Variants in GRM8 observed in about 807,000 individuals in gnomAD.
GRM8 encodes metabotropic glutamate receptor 8.
Under a neutral mutation model 87.2 loss-of-function variants are expected in GRM8, and 47 were observed. The ratio of observed to expected loss-of-function variants is 0.54; its 90% CI spans 0.43 to 0.69. The LOEUF is 0.69. Ranked by LOEUF, GRM8 falls within the 30% of genes least tolerant of loss-of-function variation. The probability of loss-of-function intolerance (pLI) is 0.00; values close to 1 mark genes in which losing one functional copy is unlikely to be tolerated. For synonymous variants in GRM8, 396 were observed against 404.5 expected, an observed-to-expected ratio of 0.98 and a Z score of 0.25; for missense variants, 1,019 against 1,139.2, an observed-to-expected ratio of 0.89 and a Z score of 1.52.
chr7:126,967,372 T>A (rs142959997), intron 3 of GRM8, among the ~76,000 whole-genome samples: 57 of 152,324 alleles, frequency 3.7e-4, no homozygotes, highest in African/African-American at 1.3e-3. Context: ...CACCACTGGT[T>A]ATTAAGACTT....
chr7:126,770,090 A>C, intron 6 of GRM8, 25 bp from the exon 7 acceptor site: 1 of 1,518,132 alleles, frequency 6.6e-7, no homozygotes, highest in Non-Finnish European at 9.1e-7. Flanking sequence ...AGTAAAAACC[A>C]TCAGTTGATG....
chr7:126,734,766 A>C (rs894116062), intron 7 of GRM8, among the ~76,000 whole-genome samples: 7 of 152,086 alleles, frequency 4.6e-5, no homozygotes, highest in African/African-American at 7.2e-5. Context: ...TTCCCAGTTC[A>C]AAGATTGACC....
chr7:127,043,103 A>AC (rs1818587915), intron 3 of GRM8, among the ~76,000 whole-genome samples: 1 of 152,246 alleles, frequency 6.6e-6, no homozygotes, highest in African/African-American at 2.4e-5. Context: ...ATCATTAAAA[A>AC]GTCAGGAAAC....
At chr7:126,613,156 A>T (rs1359137738) in intron 7 of GRM8, among the ~76,000 whole-genome samples, 1 of 152,200 alleles carries the variant, frequency 6.6e-6, no homozygotes, top group Non-Finnish European at 1.5e-5. Flanking sequence ...ATGTAGAAAG[A>T]GCATCGTTGA....
intron 7 of GRM8, among the ~76,000 whole-genome samples, chr7:126,760,815 A>C (rs1018729074): frequency 7.9e-5 from 12 of 152,314 alleles, no homozygotes; most frequent in African/African-American, 2.9e-4. Context: ...AAATTTAATC[A>C]TAAGGAAATT....
chr7:126,517,500 T>C (rs1738687909), intron 9 of GRM8, among the ~76,000 whole-genome samples: 1 of 152,046 alleles, frequency 6.6e-6, no homozygotes, highest in Admixed American at 6.6e-5. Context: ...GCATCCAGTC[T>C]CTACATCCAT....
At chr7:127,007,347 G>T (rs1450684521) in intron 3 of GRM8, among the ~76,000 whole-genome samples, 1 of 151,682 alleles carries the variant, frequency 6.6e-6, no homozygotes, top group African/African-American at 2.4e-5. Flanking sequence ...CTTAATATGG[G>T]GGGTAAAAAT....
intron 2 of GRM8, among the ~76,000 whole-genome samples, chr7:127,226,374 C>T (rs1312534043): frequency 6.6e-6 from 1 of 152,154 alleles, no homozygotes; most frequent in Non-Finnish European, 1.5e-5. Flanking sequence ...AAAAATATTT[C>T]GATTTTTTCC....
In GRM8 at chr7:126,533,448, G is replaced by T; in HGVS notation, c.1934C>A (p.Thr645Lys). Residue 645 changes from threonine to lysine, a missense_variant, in exon 9 of 11, where the codon ACA (threonine) becomes AAA (lysine). By Grantham distance (78) the Thr-to-Lys change is moderately conservative. Coordinates refer to ENST00000339582, the MANE Select transcript of GRM8 (RefSeq NM_000845.3). ...GACCCGTCGGAAGGAGCATATGATT[G>T]TATCTGGTGCTGCAATCATTAAAAA... ...ITFLMIAAPD[T>K]IICSFRRVFL... The T allele has an allele frequency of 6.2e-7, 1 of 1,613,996 alleles. No individual in the cohort carries two copies. Among genetic ancestry groups the T allele is most frequent in the Non-Finnish European group, 8.5e-7 (1 of 1,179,946 alleles).
chr7:126,708,420 G>C (rs753274341), intron 7 of GRM8, among the ~76,000 whole-genome samples: 5 of 151,952 alleles, frequency 3.3e-5, no homozygotes, highest in Non-Finnish European at 5.9e-5. Flanking sequence ...ATAGATATCT[G>C]CACTGTCATG....
chr7:127,057,581 T>A (rs555907336), intron 3 of GRM8, among the ~76,000 whole-genome samples: 14 of 152,324 alleles, frequency 9.2e-5, no homozygotes, highest in African/African-American at 3.4e-4. Flanking sequence ...TGAAAATCAT[T>A]TCTCCTTTTT....
intron 2 of GRM8, among the ~76,000 whole-genome samples, chr7:127,226,842 G>C (rs1797359224): frequency 6.6e-6 from 1 of 152,208 alleles, no homozygotes; most frequent in Non-Finnish European, 1.5e-5. Flanking sequence ...CATGACTGTG[G>C]TGCTACAGTG....
chr7:127,143,461 T>C (rs1828386115), intron 2 of GRM8, among the ~76,000 whole-genome samples: 2 of 152,176 alleles, frequency 1.3e-5, no homozygotes, highest in African/African-American at 2.4e-5. Context: ...ATTTAATTTG[T>C]AGCAGCTGTA....
intron 2 of GRM8, among the ~76,000 whole-genome samples, chr7:127,173,619 T>C (rs1234478147): frequency 3.3e-5 from 5 of 152,314 alleles, no homozygotes; most frequent in South Asian, 4.1e-4. Flanking sequence ...CAACTCATGA[T>C]GTTTAAAACA....
intron 3 of GRM8, among the ~76,000 whole-genome samples, chr7:127,091,683 C>T (rs1824111903): frequency 7.2e-6 from 1 of 139,640 alleles, no homozygotes; most frequent in Admixed American, 7.1e-5. Flanking sequence ...ATCCTCCCAT[C>T]CCACTGATCC....
At chr7:126,981,343 G>GT (rs1315020885) in intron 3 of GRM8, 1 of 152,112 alleles carries the variant, frequency 6.6e-6, no homozygotes, top group Non-Finnish European at 1.5e-5. Context: ...ATATATGTCA[G>GT]TTTTTTGCTG....
intron 8 of GRM8, among the ~76,000 whole-genome samples, chr7:126,590,429 T>G (rs60714151): frequency 1.3e-5 from 2 of 151,806 alleles, no homozygotes; most frequent in African/African-American, 2.4e-5. Flanking sequence ...TGAAGAAATC[T>G]AAAGGTTTGG....
rs1436293135 is a variant in GRM8 at position 126,967,530 on chromosome 7, T to C, written c.728-62847A>G. 2.2e-5 allele frequency among the ~76,000 whole-genome samples: 3 copies of C among 133,466 alleles called. No homozygotes were observed. The East Asian group carries it at 7.3e-4, about 33-fold the overall frequency. 87.6% of individuals were successfully genotyped at this position (133,466 alleles called of 152,430 possible). A position where few individuals can be genotyped will look rare whatever the true frequency, so the allele number is the denominator to read the frequency against. ...CACAAGCTTGGATTATGTGAAAACCTCTTAAATCTACATCCCTTGAGAAAA... is the reference window on the plus strand; with the variant it reads ...CACAAGCTTGGATTATGTGAAAACCCCTTAAATCTACATCCCTTGAGAAAA... On this transcript the variant is annotated intron_variant, in intron 3 of 10. Transcript: ENST00000339582.
Position 126,830,531 on chromosome 7 carries a change from C to T in GRM8, c.1157-60466G>A, listed in dbSNP as rs189226430. Among the ~76,000 whole-genome samples the T allele has an allele frequency of 2.6e-3, 399 of 152,280 alleles. 3 individuals carry two copies. The highest frequency in any genetic ancestry group is 8.6e-3 in the African/African-American group (359 of 41,558). ...GCGTCTGCATTCTTCACATAGTTCT[C>T]GAGCCTTGGCTTTCAGCTCCATCAG... On this transcript the variant is annotated intron_variant, in intron 6 of 10. Coordinates refer to ENST00000339582, the MANE Select transcript of GRM8 (RefSeq NM_000845.3).
Sources: allele counts gnomAD v4.1 joint callset (sites outside exome capture counted in the v4.1 genomes callset), GRCh38; gene constraint gnomAD v4.1.1; transcripts MANE v1.5; gene names NCBI Gene and HGNC (gene_info 2026-07-23, HGNC 2026-07-21).